The following KIAA1958 variants were observed in gnomAD, a reference collection of about 807,000 sequenced individuals.
KIAA1958 encodes the protein uncharacterized protein KIAA1958.
Under a neutral mutation model 47.2 loss-of-function variants are expected in KIAA1958, and 14 were observed. That is an observed-to-expected ratio of 0.30 (90% CI 0.20 to 0.46). The LOEUF is 0.46. Among genes scored for constraint, KIAA1958 ranks in the 20% least tolerant of loss-of-function variants. The pLI is 1.00. For missense variants in KIAA1958, 803 were observed against 909.2 expected (o/e 0.88, Z 1.50); for synonymous variants, 354 against 353.3 (o/e 1.00, Z -0.02).
chr9:112,665,515 G>C lies in KIAA1958; in HGVS notation c.*5446G>C, dbSNP rs1351514111. 6.6e-6 allele frequency: 1 copy of C among 152,148 alleles called. No homozygotes were observed. The highest frequency in any genetic ancestry group is 2.4e-5 in the African/African-American group (1 of 41,418). 9.4% of individuals were successfully genotyped at this position (152,148 alleles called of 1,614,324 possible). A position where few individuals can be genotyped will look rare whatever the true frequency, so the allele number is the denominator to read the frequency against. On this transcript the variant is annotated 3_prime_UTR_variant, in exon 4 of 4. Transcript: ENST00000337530. ...CAGGTTTTCTGACTCCAAATCTAGT[G>C]CTCAGTCCATGAGACAAAACTGCCT...
intron 1 of KIAA1958, among the ~76,000 whole-genome samples, chr9:112,553,694 C>T (rs1396374161): frequency 6.6e-6 from 1 of 152,150 alleles, no homozygotes; most frequent in Non-Finnish European, 1.5e-5. Context: ...CCTTTGAAGA[C>T]ATTTCTAAAT....
intron 2 of KIAA1958, among the ~76,000 whole-genome samples, chr9:112,608,137 A>C (rs1836268326): frequency 6.6e-6 from 1 of 152,222 alleles, no homozygotes; most frequent in African/African-American, 2.4e-5. Context: ...TATGGTTAAA[A>C]ACATTATTTT....
chr9:112,579,771 G>T (rs1018961321), intron 2 of KIAA1958, among the ~76,000 whole-genome samples: 1 of 152,112 alleles, frequency 6.6e-6, no homozygotes, highest in Non-Finnish European at 1.5e-5. Flanking sequence ...AATTGATTAA[G>T]GTATGTATTA....
chr9:112,596,799 G>C (rs1412860807), intron 2 of KIAA1958, among the ~76,000 whole-genome samples: 2 of 152,076 alleles, frequency 1.3e-5, no homozygotes, highest in African/African-American at 4.8e-5. Context: ...TGCTTTATGT[G>C]CCATACATCT....
chr9:112,563,085 C>CTCTCCCTATA (rs10655286), intron 1 of KIAA1958, among the ~76,000 whole-genome samples: 5 of 131,542 alleles, frequency 3.8e-5, no homozygotes, highest in Non-Finnish European at 7.9e-5. Context: ...CTCTCTCTCT[C>CTCTCCCTATA]TATATATATA....
chr9:112,560,310 C>T (rs1835305905), intron 1 of KIAA1958, among the ~76,000 whole-genome samples: 1 of 150,170 alleles, frequency 6.7e-6, no homozygotes, highest in Non-Finnish European at 1.5e-5. Flanking sequence ...AAGCAGTCGT[C>T]CTCCCTCAGC....
intron 1 of KIAA1958, among the ~76,000 whole-genome samples, chr9:112,522,209 G>A (rs912717765): frequency 4.6e-5 from 7 of 152,188 alleles, no homozygotes; most frequent in African/African-American, 1.7e-4. Flanking sequence ...GACCTCAGGT[G>A]ATTCACCCGC....
At chr9:112,522,981 A>G (rs778927082) in intron 1 of KIAA1958, among the ~76,000 whole-genome samples, 6 of 152,166 alleles carry the variant, frequency 3.9e-5, no homozygotes, top group Non-Finnish European at 7.4e-5. Flanking sequence ...CTCTCAAGTT[A>G]ACAGGTGTAG....
rs1834673614 is a variant in KIAA1958 at position 112,527,236 on chromosome 9, CAGAA to C, written c.-25+40121_-25+40124del. Among the ~76,000 whole-genome samples the C allele has an allele frequency of 5.9e-5, 9 of 152,226 alleles. No individual in the cohort carries two copies. The South Asian group carries it at 1.9e-3, about 32-fold the overall frequency. On this transcript the variant is annotated intron_variant, in intron 1 of 3. Coordinates refer to ENST00000337530, the MANE Select transcript of KIAA1958 (RefSeq NM_133465.4). ...CTTAGTACAAAGAAAGAAATATACA[CAGAA>C]AGGATACTGTAGTGGAGAGTAATTG...
At chr9:112,636,896 AC>A (rs1246858743) in intron 2 of KIAA1958, among the ~76,000 whole-genome samples, 1 of 152,110 alleles carries the variant, frequency 6.6e-6, no homozygotes, top group African/African-American at 2.4e-5. Context: ...ATCATCTTAC[AC>A]TTTTTTGGTC....
At chr9:112,555,492 A>C (rs1341830577) in intron 1 of KIAA1958, among the ~76,000 whole-genome samples, 2 of 152,158 alleles carry the variant, frequency 1.3e-5, no homozygotes, top group Non-Finnish European at 2.9e-5. Flanking sequence ...AAAATATCTG[A>C]GACTGGGTAA....
chr9:112,554,238 G>A (rs1432162054), intron 1 of KIAA1958, among the ~76,000 whole-genome samples: 4 of 152,114 alleles, frequency 2.6e-5, no homozygotes, highest in African/African-American at 4.8e-5. Flanking sequence ...GGTGGCTCAC[G>A]TCTGTAATCC....
At chr9:112,657,887 G>A (rs11793066) in intron 3 of KIAA1958, among the ~76,000 whole-genome samples, 13,584 of 145,752 alleles carry the variant, frequency 0.093, 713 homozygotes, top group Non-Finnish European at 0.12. Flanking sequence ...ACAGAGTTTC[G>A]CTCTTGTCAC....
At chr9:112,595,277 A>G (rs1364202653) in intron 2 of KIAA1958, among the ~76,000 whole-genome samples, 1 of 152,252 alleles carries the variant, frequency 6.6e-6, no homozygotes, top group Admixed American at 6.5e-5. Flanking sequence ...GCACTGAGTG[A>G]TAAGGCTCAA....
At chr9:112,610,816 T>G (rs1246878910) in intron 2 of KIAA1958, among the ~76,000 whole-genome samples, 1 of 152,172 alleles carries the variant, frequency 6.6e-6, no homozygotes, top group African/African-American at 2.4e-5. Flanking sequence ...AGACAAAATT[T>G]GCTTATGAAT....
At chr9:112,655,113 G>A (rs1837127715) in intron 3 of KIAA1958, among the ~76,000 whole-genome samples, 1 of 152,102 alleles carries the variant, frequency 6.6e-6, no homozygotes, top group African/African-American at 2.4e-5. Flanking sequence ...ACACTTCATT[G>A]TAGTAAGAGG....
chr9:112,576,112 T>C (rs963590223), intron 2 of KIAA1958, among the ~76,000 whole-genome samples: 1 of 152,198 alleles, frequency 6.6e-6, no homozygotes, highest in Non-Finnish European at 1.5e-5. Context: ...AAAAGCTTCC[T>C]AGAAACCTGA....
rs1015126051 is a variant in KIAA1958 at position 112,666,765 on chromosome 9, A to G, written c.*6696A>G. 1.3e-5 allele frequency: 2 copies of G among 152,348 alleles called. No homozygotes were observed. Among genetic ancestry groups the G allele is most frequent in the African/African-American group, 4.8e-5 (2 of 41,584 alleles). The allele number at this position is 152,348 out of a possible 1,614,324, so 9.4% of individuals were successfully genotyped here. A position where few individuals can be genotyped will look rare whatever the true frequency, so the allele number is the denominator to read the frequency against. ...CTATTTAGTACTTGTCCTCTTCCCC[A>G]ATCATGCCTGTCACCTTACTCGGAG... On this transcript the variant is annotated 3_prime_UTR_variant, in exon 4 of 4. Coordinates refer to ENST00000337530, the MANE Select transcript of KIAA1958 (RefSeq NM_133465.4).
intron 1 of KIAA1958, among the ~76,000 whole-genome samples, chr9:112,568,903 A>AT (rs1835479173): frequency 7.9e-6 from 1 of 126,908 alleles, no homozygotes; most frequent in Admixed American, 9.0e-5. Flanking sequence ...AAAAAAAAAA[A>AT]AAATAGAGCT....
Sources: gnomAD v4.1 joint callset for allele counts (sites outside exome capture counted in the v4.1 genomes callset) on GRCh38, gnomAD v4.1.1 for gene constraint, MANE v1.5 for transcripts, NCBI Gene and HGNC (gene_info 2026-07-23, HGNC 2026-07-21) for gene names.